MTOR: variants seen among roughly 807,000 people sequenced by gnomAD.
MTOR encodes serine/threonine-protein kinase mTOR.
A neutral mutation model predicts 319.8 loss-of-function variants in MTOR; 70 were observed. That is an observed-to-expected ratio of 0.22 (90% confidence interval 0.18 to 0.27). The LOEUF is 0.27. Ranked by LOEUF, MTOR falls within the 10% of genes least tolerant of loss-of-function variation. The pLI is 1.00. For synonymous variants in MTOR, 1,183 were observed against 1,211.4 expected (o/e 0.98, Z 0.49); for missense variants, 1,890 against 3,274.4 (o/e 0.58, Z 10.32).
intron 46 of MTOR, among the ~76,000 whole-genome samples, chr1:11,126,350 C>T (rs1224247935): frequency 6.6e-6 from 1 of 152,218 alleles, no homozygotes; most frequent in African/African-American, 2.4e-5. Flanking sequence ...CCAACACCTG[C>T]CTTCCACTGT....
intron 26 of MTOR, 109 bp downstream of exon 26, chr1:11,204,452 T>A: frequency 7.2e-7 from 1 of 1,393,000 alleles, no homozygotes; most frequent in East Asian, 2.3e-5. Context: ...CCCACAAAAT[T>A]AGAAAAATTA....
At chr1:11,258,900 T>C (rs1448699931) in intron 2 of MTOR, among the ~76,000 whole-genome samples, 1 of 152,218 alleles carries the variant, frequency 6.6e-6, no homozygotes, top group Non-Finnish European at 1.5e-5. Flanking sequence ...CTGGTCTCTA[T>C]TTAGAAAGCC....
intron 28 of MTOR, chr1:11,192,227 C>A (rs1165439545): frequency 2.1e-6 from 3 of 1,424,850 alleles, no homozygotes; most frequent in African/African-American, 1.4e-5. Flanking sequence ...TCAGATGGAG[C>A]CACTGGGTCT....
At chr1:11,163,223 CAAG>C (rs1337491050) in intron 29 of MTOR, among the ~76,000 whole-genome samples, 4 of 152,218 alleles carry the variant, frequency 2.6e-5, no homozygotes, top group African/African-American at 9.6e-5. Context: ...ATCAATTCAA[CAAG>C]AAGAGCTAAC....
intron 28 of MTOR, among the ~76,000 whole-genome samples, chr1:11,185,504 G>T (rs968811150): frequency 9.9e-5 from 15 of 152,122 alleles, no homozygotes; most frequent in African/African-American, 3.4e-4. Context: ...TACTCGGGAG[G>T]CTGAGGTGGA....
Position 11,124,511 on chromosome 1 carries a change from G to T in MTOR, c.6649C>A (p.Arg2217=), listed in dbSNP as rs775850519. Residue 2217 remains arginine (R), a synonymous_variant, in exon 47 of 58, where the codon CGG becomes AGG. Transcript: ENST00000361445. ...TLLANDPTSL[R]KNLSIQRYAV... Reference sequence around the variant, plus strand: ...GTTTCTGAATACCTGAGGTTTTTCCGAAGAGATGTTGGGTCATTGGCCAGA... The same window carrying T: ...GTTTCTGAATACCTGAGGTTTTTCCTAAGAGATGTTGGGTCATTGGCCAGA... 1 of 1,605,894 alleles carries T rather than the reference G, an allele frequency of 6.2e-7. No homozygotes were observed.
chr1:11,132,993 G>A (rs1457641402), intron 38 of MTOR, 87 bp downstream of exon 38: 7 of 1,148,604 alleles, frequency 6.1e-6, no homozygotes, highest in African/African-American at 4.5e-5. Context: ...GCCTAGCTCC[G>A]CAGAAGCTCA....
At chr1:11,238,233 T>C (rs948891305) in intron 12 of MTOR, among the ~76,000 whole-genome samples, 169 bp downstream of exon 12, 3 of 152,176 alleles carry the variant, frequency 2.0e-5, no homozygotes, top group Admixed American at 2.0e-4. Context: ...TAGATTATCT[T>C]ACACCAAAGG....
chr1:11,256,712 C>CGAAG (rs939587387), intron 4 of MTOR, among the ~76,000 whole-genome samples: 48 of 152,240 alleles, frequency 3.2e-4, no homozygotes, highest in African/African-American at 1.1e-3. Context: ...CTGCCTCCTC[C>CGAAG]GAAGGGCAGC....
At chr1:11,180,070 C>T (rs1571083966) in intron 28 of MTOR, among the ~76,000 whole-genome samples, 1 of 152,116 alleles carries the variant, frequency 6.6e-6, no homozygotes, top group East Asian at 1.9e-4. Context: ...TGCCATCATG[C>T]CCCACTAAAC....
At chr1:11,155,975 C>T (rs74052908) in intron 30 of MTOR, among the ~76,000 whole-genome samples, 239 of 152,186 alleles carry the variant, frequency 1.6e-3, no homozygotes, top group African/African-American at 5.3e-3. Flanking sequence ...TTGTTTTAGT[C>T]ATTTATTTTT....
chr1:11,107,189 T>C lies in MTOR; in HGVS notation c.*296A>G. 7.2e-7 allele frequency: 1 copy of C among 1,389,400 alleles called. No homozygotes were observed. The highest frequency in any genetic ancestry group is 9.5e-7 in the Non-Finnish European group (1 of 1,057,800). The allele number at this position is 1,389,400 out of a possible 1,614,324, so 86.1% of individuals were successfully genotyped here. ...CTCTTGTGAGTTAAGTCAAAACCCG[T>C]ATTTCTAAAGTTATGGATCTTCTGT... On this transcript the variant is annotated 3_prime_UTR_variant, in exon 58 of 58. Transcript: ENST00000361445.
chr1:11,178,255 G>A (rs754252774), intron 28 of MTOR, among the ~76,000 whole-genome samples: 5 of 152,172 alleles, frequency 3.3e-5, no homozygotes, highest in Non-Finnish European at 5.9e-5. Flanking sequence ...TGGCAAGCTG[G>A]CCCATTTGAC....
At chr1:11,217,116 TTAAC>T in intron 19 of MTOR, among the ~76,000 whole-genome samples, 1 of 152,176 alleles carries the variant, frequency 6.6e-6, no homozygotes, top group East Asian at 1.9e-4. Flanking sequence ...TCTTAATTAA[TTAAC>T]TATGTCTCTG....
At chr1:11,190,652 T>C (rs928879266) in intron 28 of MTOR, among the ~76,000 whole-genome samples, 1 of 152,210 alleles carries the variant, frequency 6.6e-6, no homozygotes, top group Non-Finnish European at 1.5e-5. Context: ...ATAAATTTAA[T>C]CTTTCTTTTG....
intron 30 of MTOR, among the ~76,000 whole-genome samples, chr1:11,150,613 G>A (rs1407679289): frequency 2.6e-5 from 4 of 152,188 alleles, no homozygotes; most frequent in South Asian, 2.1e-4. Flanking sequence ...TGGGCTCAAA[G>A]CTATAGGGAG....
intron 28 of MTOR, among the ~76,000 whole-genome samples, chr1:11,188,380 C>T (rs921561240): frequency 6.6e-6 from 1 of 152,022 alleles, no homozygotes; most frequent in Admixed American, 6.5e-5. Context: ...AAGTCATATA[C>T]AAATAGAGGA....
chr1:11,209,978 T>C (rs1402003660), intron 24 of MTOR, among the ~76,000 whole-genome samples: 1 of 152,092 alleles, frequency 6.6e-6, no homozygotes, highest in Non-Finnish European at 1.5e-5. Flanking sequence ...AGCAATTCTC[T>C]TGCCTGAGCC....
rs769458601 is a variant in MTOR, at chr1:11,106,786, AG to A, written c.*698del. On this transcript the variant is annotated 3_prime_UTR_variant, in exon 58 of 58. Coordinates refer to ENST00000361445, the MANE Select transcript of MTOR (RefSeq NM_004958.4). The stretch of plus-strand genomic sequence containing the variant: ...AGAACCCTGCTGCAGAAGGCCAGTG[AG>A]GGTGGTCCCACTGCACAGTGATCCC... 59 of 1,258,698 alleles carry A rather than the reference AG, an allele frequency of 4.7e-5. 1 individual carries two copies. The East Asian group carries it at 4.9e-4, about 11-fold the overall frequency. 78.0% of individuals were successfully genotyped at this position (1,258,698 alleles called of 1,614,324 possible). A position where few individuals can be genotyped will look rare whatever the true frequency, so the allele number is the denominator to read the frequency against.
Sources: gnomAD v4.1 joint callset for allele counts (sites outside exome capture counted in the v4.1 genomes callset) on GRCh38, gnomAD v4.1.1 for gene constraint, MANE v1.5 for transcripts, NCBI Gene and HGNC (gene_info 2026-07-23, HGNC 2026-07-21) for gene names.